CDH18: variants seen among roughly 807,000 people sequenced by gnomAD.
The protein encoded by CDH18 is cadherin-18.
A neutral mutation model predicts 67.9 loss-of-function variants in CDH18; 31 were observed. That is an observed-to-expected ratio of 0.46 (90% CI 0.34 to 0.62). The LOEUF (loss-of-function observed/expected upper bound fraction) is 0.62, where lower values mean the gene tolerates loss of function less well. Among genes scored for constraint, CDH18 ranks in the 20% least tolerant of loss-of-function variants. The pLI is 0.01. For missense variants in CDH18, 890 were observed against 975.5 expected (o/e 0.91, Z 1.17); for synonymous variants, 362 against 347.2 (o/e 1.04, Z -0.48).
intron 2 of CDH18, among the ~76,000 whole-genome samples, chr5:20,038,645 C>G (rs1162298788): frequency 1.3e-5 from 2 of 152,080 alleles, no homozygotes; most frequent in African/African-American, 4.8e-5. Context: ...ATTCAACACC[C>G]CTTTCTGCTA....
At position 20,497,810 on chromosome 5, in the gene CDH18, A is replaced by C. The variant is rs549883052; in HGVS notation, c.-580+77652T>G. 6.6e-5 allele frequency among the ~76,000 whole-genome samples: 10 copies of C among 152,272 alleles called. No homozygotes were observed. The South Asian group carries it at 1.9e-3, about 28-fold the overall frequency. On this transcript the variant is annotated intron_variant, in intron 1 of 14. Coordinates refer to the CDH18 transcript ENST00000507958. ...ATATAAAAAAAGCATTTGCTATACT[A>C]TGCTGTTAGTATTTGTGTCCCCTAC... is the stretch of plus-strand genomic sequence containing the variant.
chr5:20,196,869 T>C (rs186492840), intron 2 of CDH18, among the ~76,000 whole-genome samples: 54 of 152,332 alleles, frequency 3.5e-4, no homozygotes, highest in African/African-American at 1.2e-3. Flanking sequence ...GTTTGCCACA[T>C]GAGGCTTATG....
chr5:19,985,024 T>G (rs1366761799), intron 1 of CDH18, among the ~76,000 whole-genome samples: 1 of 152,106 alleles, frequency 6.6e-6, no homozygotes, highest in Non-Finnish European at 1.5e-5. Context: ...ACCAGTATCT[T>G]TATTTATTTA....
intron 1 of CDH18, among the ~76,000 whole-genome samples, chr5:20,404,521 G>A (rs1746054626): frequency 6.6e-6 from 1 of 152,030 alleles, no homozygotes; most frequent in African/African-American, 2.4e-5. Flanking sequence ...CTGTGTCTCA[G>A]GGCATAAGGA....
intron 1 of CDH18, among the ~76,000 whole-genome samples, chr5:20,386,490 A>G (rs914149291): frequency 6.6e-6 from 1 of 152,116 alleles, no homozygotes; most frequent in Non-Finnish European, 1.5e-5. Context: ...CAGACTGGGA[A>G]TGTATTTTTA....
At chr5:19,815,803 A>G (rs1051453127) in intron 3 of CDH18, among the ~76,000 whole-genome samples, 3 of 151,936 alleles carry the variant, frequency 2.0e-5, no homozygotes, top group African/African-American at 7.2e-5. Context: ...ATAGTTTCTC[A>G]GTTTTTTTAT....
In CDH18 at chr5:20,080,456, C is replaced by T. The variant is rs917142216; in HGVS notation, c.-517-88442G>A. 3.3e-5 allele frequency among the ~76,000 whole-genome samples: 5 copies of T among 152,014 alleles called. No individual in the cohort carries two copies. The East Asian group carries it at 7.7e-4, about 23-fold the overall frequency. ...CAACTGAGTCGCATGGCTAGAGTAC[C>T]AACATAGATGGATATGTGAAGGAAC... On this transcript the variant is annotated intron_variant, in intron 2 of 14. Coordinates refer to the CDH18 transcript ENST00000507958.
chr5:20,073,566 G>T (rs1364296964), intron 2 of CDH18, among the ~76,000 whole-genome samples: 3 of 151,998 alleles, frequency 2.0e-5, no homozygotes, highest in African/African-American at 4.8e-5. Context: ...ATTGCGATAT[G>T]TTTCATATAT....
At chr5:20,066,935 G>T in intron 2 of CDH18, among the ~76,000 whole-genome samples, 1 of 151,636 alleles carries the variant, frequency 6.6e-6, no homozygotes, top group South Asian at 2.1e-4. Context: ...CTAGTAACAT[G>T]TAAATACATC....
chr5:20,136,729 G>C (rs1376440581), intron 2 of CDH18, among the ~76,000 whole-genome samples: 2 of 152,116 alleles, frequency 1.3e-5, no homozygotes, highest in African/African-American at 2.4e-5. Flanking sequence ...GCTGGTACTG[G>C]TTGTTCCTTT....
intron 2 of CDH18, among the ~76,000 whole-genome samples, chr5:20,009,230 T>A (rs553464954): frequency 6.6e-6 from 1 of 152,196 alleles, no homozygotes; most frequent in Non-Finnish European, 1.5e-5. Flanking sequence ...GACTTACATC[T>A]CTGATTAGAT....
chr5:20,074,310 G>C (rs1018793540), intron 2 of CDH18, among the ~76,000 whole-genome samples: 12 of 152,010 alleles, frequency 7.9e-5, no homozygotes, highest in Admixed American at 7.9e-4. Context: ...TTAATTTTGA[G>C]TGCTTTCATT....
chr5:19,764,059 T>A (rs10805647), intron 3 of CDH18, among the ~76,000 whole-genome samples: 1 of 146,030 alleles, frequency 6.8e-6, no homozygotes, highest in African/African-American at 2.5e-5. Flanking sequence ...TCCCAGCTAC[T>A]TGGGAGGCTG....
At chr5:19,597,503 A>G (rs1746363989) in intron 6 of CDH18, among the ~76,000 whole-genome samples, 1 of 152,200 alleles carries the variant, frequency 6.6e-6, no homozygotes, top group African/African-American at 2.4e-5. Flanking sequence ...GTTGAGGAAA[A>G]CTGAAAACCA....
intron 2 of CDH18, among the ~76,000 whole-genome samples, chr5:19,993,999 T>TA (rs1206338297): frequency 6.6e-6 from 1 of 152,192 alleles, no homozygotes; most frequent in African/African-American, 2.4e-5. Context: ...TTTTTTAGCC[T>TA]AAAAAATTAG....
intron 2 of CDH18, among the ~76,000 whole-genome samples, chr5:20,007,253 G>T (rs1736978790): frequency 6.6e-6 from 1 of 151,486 alleles, no homozygotes; most frequent in African/African-American, 2.4e-5. Flanking sequence ...AATTCCAAAG[G>T]AAAATGATGG....
intron 9 of CDH18, among the ~76,000 whole-genome samples, chr5:19,542,117 C>T (rs1486992780): frequency 6.6e-6 from 1 of 152,126 alleles, no homozygotes; most frequent in Admixed American, 6.5e-5. Flanking sequence ...ATGGAAGCCA[C>T]TTGAGCTAAT....
intron 1 of CDH18, among the ~76,000 whole-genome samples, chr5:20,538,811 T>A (rs1317083102): frequency 1.3e-5 from 2 of 151,526 alleles, no homozygotes; most frequent in African/African-American, 4.8e-5. Flanking sequence ...GTGAATTTGA[T>A]AATCACTTCT....
Position 20,502,495 on chromosome 5 carries a change from T to A in CDH18, c.-580+72967A>T, listed in dbSNP as rs1754396970. 3.3e-5 allele frequency among the ~76,000 whole-genome samples: 5 copies of A among 152,144 alleles called. No individual in the cohort carries two copies. In the South Asian group the frequency reaches 8.3e-4, roughly 25 times the overall value. On this transcript the variant is annotated intron_variant, in intron 1 of 14. Transcript: ENST00000507958. ...CAATTATTCAGTTCTAATGGGTAGG[T>A]TAATGAAGTGTGGCAAGTAATATTT...
Sources: gnomAD v4.1 joint callset for allele counts (sites outside exome capture counted in the v4.1 genomes callset) on GRCh38, gnomAD v4.1.1 for gene constraint, MANE v1.5 for transcripts, NCBI Gene and HGNC (gene_info 2026-07-23, HGNC 2026-07-21) for gene names.